CCDC171: variants seen among roughly 807,000 people sequenced by gnomAD.
CCDC171 encodes the protein coiled-coil domain containing 171.
In CCDC171, 177 loss-of-function variants were observed where a neutral mutation model predicts 168.2. The ratio of observed to expected loss-of-function variants is 1.05; its 90% CI spans 0.93 to 1.19. The LOEUF (loss-of-function observed/expected upper bound fraction) is 1.19, where lower values mean the gene tolerates loss of function less well. CCDC171 is among the 50% of genes most tolerant of loss of function. The pLI, the probability that CCDC171 is intolerant of heterozygous loss-of-function variation, is 0.00. For missense variants in CCDC171, 1,991 were observed against 1,539.0 expected, an observed-to-expected ratio of 1.29 and a Z score of -4.91; for synonymous variants, 687 against 540.8, an observed-to-expected ratio of 1.27 and a Z score of -3.75.
chr9:15,630,041 A>C (rs537360418), intron 7 of CCDC171, among the ~76,000 whole-genome samples: 19 of 152,356 alleles, frequency 1.2e-4, no homozygotes, highest in African/African-American at 4.6e-4. Flanking sequence ...TAAACATGGA[A>C]AGGAACAACC....
intron 25 of CCDC171, among the ~76,000 whole-genome samples, chr9:15,925,025 C>T (rs1343221231): frequency 1.3e-5 from 2 of 151,530 alleles, no homozygotes; most frequent in Admixed American, 1.3e-4. Flanking sequence ...ATTTATTAAG[C>T]ATCTGCTTTT....
chr9:15,830,114 T>C (rs892497198), intron 21 of CCDC171, among the ~76,000 whole-genome samples: 1 of 152,198 alleles, frequency 6.6e-6, no homozygotes, highest in Non-Finnish European at 1.5e-5. Flanking sequence ...CCCATAAAAA[T>C]CCTTGCTGGA....
intron 3 of CCDC171, among the ~76,000 whole-genome samples, chr9:15,578,595 C>A (rs1038044159): frequency 6.6e-6 from 1 of 151,348 alleles, no homozygotes; most frequent in Non-Finnish European, 1.5e-5. Context: ...CTGATTAAAA[C>A]GTAATTTATC....
intron 21 of CCDC171, among the ~76,000 whole-genome samples, chr9:15,828,017 A>G (rs2060085193): frequency 1.3e-5 from 2 of 152,296 alleles, no homozygotes; most frequent in Admixed American, 1.3e-4. Flanking sequence ...GACAGAGTAA[A>G]TGTAGAGGAT....
chr9:15,670,020 C>T (rs757842811), intron 9 of CCDC171, among the ~76,000 whole-genome samples: 2 of 147,288 alleles, frequency 1.4e-5, no homozygotes, highest in African/African-American at 5.0e-5. Context: ...TACAAACTTA[C>T]TTCTCCTCTC....
chr9:15,884,090 A>T (rs1265916143), intron 24 of CCDC171, among the ~76,000 whole-genome samples: 3 of 152,052 alleles, frequency 2.0e-5, no homozygotes, highest in African/African-American at 7.2e-5. Context: ...CTTGTGAAGG[A>T]TGAGTATGTA....
At chr9:15,561,204 G>A (rs887775727) in intron 1 of CCDC171, among the ~76,000 whole-genome samples, 6 of 152,180 alleles carry the variant, frequency 3.9e-5, no homozygotes, top group Non-Finnish European at 8.8e-5. Flanking sequence ...TGGGGTTGGT[G>A]TAGAGTGAAA....
intron 25 of CCDC171, among the ~76,000 whole-genome samples, chr9:15,950,680 T>C (rs1321182046): frequency 6.6e-6 from 1 of 151,746 alleles, no homozygotes; most frequent in Non-Finnish European, 1.5e-5. Context: ...TGCCAAAATG[T>C]AAAGACCATC....
At chr9:15,716,994 G>A (rs1039874781) in intron 11 of CCDC171, among the ~76,000 whole-genome samples, 5 of 152,154 alleles carry the variant, frequency 3.3e-5, no homozygotes, top group Admixed American at 1.3e-4. Context: ...TAACAGTTAC[G>A]TAGGCAAAAA....
chr9:15,672,817 A>G (rs1162877065), intron 9 of CCDC171, among the ~76,000 whole-genome samples: 3 of 152,206 alleles, frequency 2.0e-5, no homozygotes, highest in African/African-American at 7.2e-5. Context: ...CTTTTTGCTT[A>G]GGATTGTCTT....
intron 25 of CCDC171, among the ~76,000 whole-genome samples, chr9:15,965,960 A>G (rs2132711180): frequency 6.6e-6 from 1 of 152,318 alleles, no homozygotes; most frequent in South Asian, 2.1e-4. Context: ...ATAACAATAA[A>G]ACACCAAGAC....
intron 8 of CCDC171, among the ~76,000 whole-genome samples, chr9:15,660,832 A>G (rs1381313495): frequency 1.3e-5 from 2 of 152,158 alleles, no homozygotes; most frequent in Non-Finnish European, 1.5e-5. Context: ...TTTCTTTTGG[A>G]TATATACCCA....
chr9:15,824,553 T>A (rs904386585), intron 21 of CCDC171, among the ~76,000 whole-genome samples: 2 of 152,062 alleles, frequency 1.3e-5, no homozygotes, highest in Non-Finnish European at 2.9e-5. Context: ...CTGGTCTGAA[T>A]TTACAAAGCC....
rs574526711 is a variant in CCDC171, at chr9:15,731,719, A to C, written c.2049+1921A>C. ...TTTATTTCTCTCGCTTAATTACTAA[A>C]GTGCAGTTGCCAGGTCATGGGATAT... On this transcript the variant is annotated intron_variant, in intron 16 of 25. Coordinates refer to ENST00000380701, the MANE Select transcript of CCDC171 (RefSeq NM_173550.4). 3.9e-5 allele frequency among the ~76,000 whole-genome samples: 6 copies of C among 152,206 alleles called. No homozygotes were observed. The South Asian group carries it at 1.0e-3, about 26-fold the overall frequency.
At chr9:15,622,197 G>A (rs749727851) in intron 6 of CCDC171, among the ~76,000 whole-genome samples, 1 of 152,068 alleles carries the variant, frequency 6.6e-6, no homozygotes, top group Non-Finnish European at 1.5e-5. Flanking sequence ...CTTAGTACCT[G>A]GGTGATGAAA....
chr9:15,599,519 C>A (rs1337198545), intron 6 of CCDC171, among the ~76,000 whole-genome samples: 1 of 152,206 alleles, frequency 6.6e-6, no homozygotes, highest in African/African-American at 2.4e-5. Flanking sequence ...GAGAGATCCG[C>A]TGTTAGTCTG....
intron 23 of CCDC171, among the ~76,000 whole-genome samples, chr9:15,872,446 C>G (rs1288653639): frequency 6.6e-6 from 1 of 151,946 alleles, no homozygotes; most frequent in African/African-American, 2.4e-5. Context: ...GGTTAAAGGA[C>G]CTCCAGTGCT....
intron 1 of CCDC171, among the ~76,000 whole-genome samples, chr9:15,560,418 G>T (rs551990736): frequency 5.9e-5 from 9 of 152,024 alleles, no homozygotes; most frequent in Non-Finnish European, 1.3e-4. Flanking sequence ...TGGAGGCTTT[G>T]TTCATTTCTT....
At chr9:15,929,412 A>T (rs1301159232) in intron 25 of CCDC171, among the ~76,000 whole-genome samples, 2 of 151,758 alleles carry the variant, frequency 1.3e-5, no homozygotes. Context: ...CCTGAAATTC[A>T]CTGAGGTCCC....
Sources: gnomAD v4.1 joint callset for allele counts (sites outside exome capture counted in the v4.1 genomes callset) on GRCh38, gnomAD v4.1.1 for gene constraint, MANE v1.5 for transcripts, NCBI Gene and HGNC (gene_info 2026-07-23, HGNC 2026-07-21) for gene names.